C3orf33: variants seen among roughly 807,000 people sequenced by gnomAD.
C3orf33 encodes mitochondrial inner membrane subdomain organizer 1.
Under a neutral mutation model 28.7 loss-of-function variants are expected in C3orf33, and 23 were observed. The ratio of observed to expected loss-of-function variants is 0.80; its 90% CI spans 0.58 to 1.13. C3orf33 has a LOEUF of 1.13. Among genes scored for constraint, C3orf33 ranks in the 50% most tolerant of loss-of-function variants. C3orf33 has a pLI of 0.00. For missense variants in C3orf33, 327 were observed against 353.4 expected (o/e 0.93, Z 0.60); for synonymous variants, 119 against 120.5 (o/e 0.99, Z 0.08).
chr3:155,796,437 A>G (rs1249403487), intron 2 of C3orf33, among the ~76,000 whole-genome samples: 1 of 152,190 alleles, frequency 6.6e-6, no homozygotes, highest in Non-Finnish European at 1.5e-5. Flanking sequence ...ACCTACCAAT[A>G]TTGTAACATG....
intron 4 of C3orf33, among the ~76,000 whole-genome samples, chr3:155,766,855 C>A (rs890099266): frequency 1.3e-5 from 2 of 152,118 alleles, no homozygotes; most frequent in Admixed American, 6.6e-5. Flanking sequence ...GAGGCTGAAG[C>A]AGGAGAATTG....
Position 155,763,498 on chromosome 3 carries a change from T to A in C3orf33, c.*19A>T. 1 of 1,462,144 alleles carries A rather than the reference T, an allele frequency of 6.8e-7. No homozygotes were observed. Among genetic ancestry groups the A allele is most frequent in the Non-Finnish European group, 9.0e-7 (1 of 1,110,578 alleles). The allele number at this position is 1,462,144 out of a possible 1,614,324, so 90.6% of individuals were successfully genotyped here. A position where few individuals can be genotyped will look rare whatever the true frequency, so the allele number is the denominator to read the frequency against. ...ATTTCACTCTTTGGAGAAGGTTACC[T>A]CTAGATTTCTTGACCGTTTCACCCT... On this transcript the variant is annotated 3_prime_UTR_variant, in exon 5 of 5. Coordinates refer to ENST00000340171, the MANE Select transcript of C3orf33 (RefSeq NM_001308229.2).
chr3:155,770,483 C>G (rs1415352896), intron 3 of C3orf33, among the ~76,000 whole-genome samples: 1 of 152,120 alleles, frequency 6.6e-6, no homozygotes, highest in Non-Finnish European at 1.5e-5. Context: ...GTGGATGGTC[C>G]ATTAATCTAA....
At chr3:155,802,960 T>C (rs1411403630) in intron 1 of C3orf33, among the ~76,000 whole-genome samples, 1 of 152,158 alleles carries the variant, frequency 6.6e-6, no homozygotes, top group Non-Finnish European at 1.5e-5. Context: ...GATCGTATTA[T>C]TTAACTATCA....
intron 2 of C3orf33, 139 bp from the exon 3 acceptor site, chr3:155,775,987 T>G: frequency 1.7e-6 from 1 of 575,736 alleles, no homozygotes; most frequent in Non-Finnish European, 3.0e-6. Context: ...TTTATATTAC[T>G]TTAATATGAT....
At position 155,763,402 on chromosome 3, in the gene C3orf33, T is replaced by C. The variant is rs1277711583; in HGVS notation, c.*115A>G. On this transcript the variant is annotated 3_prime_UTR_variant, in exon 5 of 5. Transcript: ENST00000340171. Reference sequence around the variant, plus strand: ...ATCTCTTTTTAATATTTAAATACCATTGGACTAACACTTTGATCATTTGGC... The same window carrying C: ...ATCTCTTTTTAATATTTAAATACCACTGGACTAACACTTTGATCATTTGGC... The C allele has an allele frequency of 3.2e-6, 2 of 625,876 alleles. No individual in the cohort carries two copies. The highest frequency in any genetic ancestry group is 4.9e-6 in the Non-Finnish European group (2 of 410,270). The allele number at this position is 625,876 out of a possible 1,614,324, so 38.8% of individuals were successfully genotyped here.
At chr3:155,803,382 G>A (rs911375463) in intron 1 of C3orf33, among the ~76,000 whole-genome samples, 1 of 151,660 alleles carries the variant, frequency 6.6e-6, no homozygotes, top group Non-Finnish European at 1.5e-5. Flanking sequence ...TGACTAAAAC[G>A]GTGAAACCTC....
At chr3:155,782,351 A>G (rs1750953720) in intron 2 of C3orf33, among the ~76,000 whole-genome samples, 3 of 151,416 alleles carry the variant, frequency 2.0e-5, no homozygotes, top group Non-Finnish European at 4.4e-5. Flanking sequence ...AAAAAAAACC[A>G]TGACTGAAAA....
chr3:155,804,175 T>TA (rs747411544), intron 1 of C3orf33: 295 of 418,278 alleles, frequency 7.1e-4, no homozygotes, highest in African/African-American at 1.5e-3. Flanking sequence ...AGACTTGGTC[T>TA]AAAAAAAAAG....
chr3:155,797,594 T>C (rs938844356), intron 2 of C3orf33, among the ~76,000 whole-genome samples: 1 of 152,150 alleles, frequency 6.6e-6, no homozygotes, highest in Non-Finnish European at 1.5e-5. Context: ...AACTGATAAA[T>C]AAATTCAGTA....
intron 3 of C3orf33, among the ~76,000 whole-genome samples, chr3:155,772,382 C>T (rs962817949): frequency 1.3e-5 from 2 of 152,104 alleles, no homozygotes; most frequent in Non-Finnish European, 2.9e-5. Flanking sequence ...ATTTGTGCCT[C>T]ATGAGATGGG....
At chr3:155,788,186 G>A (rs1156843360) in intron 2 of C3orf33, among the ~76,000 whole-genome samples, 6 of 125,332 alleles carry the variant, frequency 4.8e-5, no homozygotes, top group African/African-American at 7.8e-5. Context: ...GCGAGACTCC[G>A]TCTCAAAAAA....
chr3:155,776,457 G>A (rs1750751148), intron 2 of C3orf33, among the ~76,000 whole-genome samples: 1 of 152,018 alleles, frequency 6.6e-6, no homozygotes, highest in Admixed American at 6.6e-5. Context: ...CATAAGCTTT[G>A]TTCATAATTA....
At chr3:155,799,958 G>A (rs1751592360) in intron 2 of C3orf33, among the ~76,000 whole-genome samples, 1 of 152,050 alleles carries the variant, frequency 6.6e-6, no homozygotes, top group Non-Finnish European at 1.5e-5. Context: ...GTTGGTTAAT[G>A]GGTATGAAAA....
At chr3:155,793,809 CA>C (rs1176317323) in intron 2 of C3orf33, among the ~76,000 whole-genome samples, 102 of 37,496 alleles carry the variant, frequency 2.7e-3, no homozygotes, top group African/African-American at 4.6e-3. Context: ...GACTCTGACT[CA>C]AAAAAAAAAA....
intron 2 of C3orf33, among the ~76,000 whole-genome samples, chr3:155,797,462 T>C (rs1000007567): frequency 6.6e-6 from 1 of 152,070 alleles, no homozygotes; most frequent in African/African-American, 2.4e-5. Context: ...GCTAGAGCAC[T>C]CAGACAAAAG....
At chr3:155,783,421 T>C (rs560705955) in intron 2 of C3orf33, among the ~76,000 whole-genome samples, 2 of 150,784 alleles carry the variant, frequency 1.3e-5, no homozygotes, top group East Asian at 2.0e-4. Context: ...ACCCAAAGGG[T>C]TGGGATTACA....
chr3:155,805,867 GT>G (rs1038442650), intron 1 of C3orf33: 69 of 535,640 alleles, frequency 1.3e-4, no homozygotes, highest in Admixed American at 6.0e-5. Flanking sequence ...GCTGGGCTGC[GT>G]CTCACCCTTT....
At chr3:155,764,458 C>T (rs896079851) in intron 4 of C3orf33, among the ~76,000 whole-genome samples, 3 of 152,102 alleles carry the variant, frequency 2.0e-5, no homozygotes, top group African/African-American at 7.2e-5. Flanking sequence ...ATAGTCTTGG[C>T]CATTGAGTCT....
Sources: allele counts gnomAD v4.1 joint callset (sites outside exome capture counted in the v4.1 genomes callset), GRCh38; gene constraint gnomAD v4.1.1; transcripts MANE v1.5; gene names NCBI Gene and HGNC (gene_info 2026-07-23, HGNC 2026-07-21).